Variants in ELK4 observed in about 807,000 individuals in gnomAD.
ELK4 encodes ETS transcription factor ELK4.
A neutral mutation model predicts 29.6 loss-of-function variants in ELK4; 16 were observed. The observed-to-expected ratio is 0.54, with a 90% CI of 0.37 to 0.82. The LOEUF is 0.82. Among genes scored for constraint, ELK4 ranks in the 40% least tolerant of loss-of-function variants. ELK4 has a pLI of 0.00. For synonymous variants in ELK4, 213 were observed against 191.1 expected (o/e 1.11, Z -0.95); for missense variants, 465 against 507.1 (o/e 0.92, Z 0.80).
At position 205,620,228 on chromosome 1, in the gene ELK4, C is replaced by T; in HGVS notation, c.818G>A (p.Ser273Asn). The change falls in exon 3 of 5, where the codon AGT becomes AAT. Residue 273 changes from serine (S) to asparagine (N), a missense_variant. Physicochemically the swap from Ser to Asn is conservative, Grantham distance 46. Around this residue, in one of 2 missense-constraint regions of ELK4, gnomAD observed 385 missense variants for 387.5 expected, o/e 0.99. Coordinates refer to ENST00000357992, the MANE Select transcript of ELK4 (RefSeq NM_001973.4). ...GTCTGTGTCGATGTCTGGGTGAGAA[C>T]TCAGTGGTGGTGAAGGTGTTCTGGG... is the stretch of plus-strand genomic sequence containing the variant. ...EPPRTPSPPL[S>N]SHPDIDTDID... 2 of 1,614,190 alleles carry T rather than the reference C, an allele frequency of 1.2e-6. No homozygotes were observed. The highest frequency in any genetic ancestry group is 1.7e-6 in the Non-Finnish European group (2 of 1,180,042).
In ELK4 at chr1:205,612,959, T is replaced by C; in HGVS notation, c.*3587A>G. 4.8e-6 allele frequency: 1 copy of C among 206,440 alleles called. No individual in the cohort carries two copies. Among genetic ancestry groups the C allele is most frequent in the East Asian group, 7.3e-5 (1 of 13,616 alleles). 12.8% of individuals were successfully genotyped at this position (206,440 alleles called of 1,614,324 possible). A position where few individuals can be genotyped will look rare whatever the true frequency, so the allele number is the denominator to read the frequency against. On this transcript the variant is annotated 3_prime_UTR_variant, in exon 5 of 5. Transcript: ENST00000357992. ...TCAACTGTCAAAATGTGGGAAAAAA[T>C]TAAACTCATATTTTAACTCTAAGAA...
At chr1:205,627,868 C>G (rs1259640691) in intron 1 of ELK4, among the ~76,000 whole-genome samples, 1 of 152,164 alleles carries the variant, frequency 6.6e-6, no homozygotes, top group African/African-American at 2.4e-5. Flanking sequence ...TGTACAGAGA[C>G]AGTCACCTAA....
chr1:205,610,341 A>C lies in ELK4; in HGVS notation c.*6205T>G, dbSNP rs1670133643. ...GTTTTGGCTAATACTAATGACATAC[A>C]GTTTAAAAGGATAAATTAGGCCACA... On this transcript the variant is annotated 3_prime_UTR_variant, in exon 5 of 5. Transcript: ENST00000357992. 1 of 231,412 alleles carries C rather than the reference A, an allele frequency of 4.3e-6. No individual in the cohort carries two copies. The highest frequency in any genetic ancestry group is 1.8e-4 in the South Asian group (1 of 5,522). The allele number at this position is 231,412 out of a possible 1,614,324, so 14.3% of individuals were successfully genotyped here. A position where few individuals can be genotyped will look rare whatever the true frequency, so the allele number is the denominator to read the frequency against.
rs1052161570 is a variant in ELK4, at chr1:205,631,891, C to A, written c.-269G>T. On this transcript the variant is annotated 5_prime_UTR_variant, in exon 1 of 5. Coordinates refer to ENST00000357992, the MANE Select transcript of ELK4 (RefSeq NM_001973.4). ...GCAGCGGCGGCGCGGGTCTTGGGGC[C>A]GCTACACGCCGGGCGCGCGCGTTCG... The A allele has an allele frequency of 3.3e-5, 5 of 149,394 alleles. No individual in the cohort carries two copies. Among genetic ancestry groups the A allele is most frequent in the Non-Finnish European group, 7.4e-5 (5 of 67,130 alleles). The allele number at this position is 149,394 out of a possible 1,614,324, so 9.3% of individuals were successfully genotyped here.
At chr1:205,619,680 G>A in intron 3 of ELK4, 1 of 1,403,116 alleles carries the variant, frequency 7.1e-7, no homozygotes, top group Non-Finnish European at 9.2e-7. Flanking sequence ...ATAAGACCGA[G>A]AGAGAGCGAG....
rs1458861763 is a variant in ELK4 at position 205,615,064 on chromosome 1, T to C, written c.*1482A>G. 1.0e-5 allele frequency: 2 copies of C among 191,676 alleles called. No homozygotes were observed. The highest frequency in any genetic ancestry group is 2.2e-5 in the Non-Finnish European group (2 of 91,846). 11.9% of individuals were successfully genotyped at this position (191,676 alleles called of 1,614,324 possible). On this transcript the variant is annotated 3_prime_UTR_variant, in exon 5 of 5. Transcript: ENST00000357992. ...ACTAATATGAACAATCCAATCCCTATGTATAAGCATTCCCAAATGAACTCT... is the reference window on the plus strand; with the variant it reads ...ACTAATATGAACAATCCAATCCCTACGTATAAGCATTCCCAAATGAACTCT...
In ELK4 at chr1:205,608,025, T is replaced by A. The variant is rs531396693; in HGVS notation, c.*8521A>T. ...ACATATATCTATTAACATATATGTA[T>A]ACTTTTAGACTTGTAGTAAATTTGC... On this transcript the variant is annotated 3_prime_UTR_variant, in exon 5 of 5. Transcript: ENST00000357992. 1.1e-5 allele frequency: 2 copies of A among 179,934 alleles called. No individual in the cohort carries two copies. The highest frequency in any genetic ancestry group is 1.8e-4 in the East Asian group (2 of 10,900). 11.1% of individuals were successfully genotyped at this position (179,934 alleles called of 1,614,324 possible). A position where few individuals can be genotyped will look rare whatever the true frequency, so the allele number is the denominator to read the frequency against.
At position 205,620,962 on chromosome 1, in the gene ELK4, C is replaced by T. The variant is rs111869311; in HGVS notation, c.208-124G>A. On this transcript the variant is annotated intron_variant, in intron 2 of 4. Coordinates refer to ENST00000357992, the MANE Select transcript of ELK4 (RefSeq NM_001973.4). ...CTGTAATCCCAGCACTTTGGAAGGC[C>T]GAGGAGGGCGGATCACGAGGTCAGG... 2.7e-4 allele frequency: 295 copies of T among 1,084,242 alleles called. 2 individuals carry two copies. In the African/African-American group the frequency reaches 3.8e-3, roughly 14 times the overall value. The allele number at this position is 1,084,242 out of a possible 1,614,324, so 67.2% of individuals were successfully genotyped here. A position where few individuals can be genotyped will look rare whatever the true frequency, so the allele number is the denominator to read the frequency against.
At position 205,619,037 on chromosome 1, in the gene ELK4, T is replaced by G. The variant is rs1414314380; in HGVS notation, c.1117A>C (p.Ser373Arg). 6.2e-7 allele frequency: 1 copy of G among 1,608,582 alleles called. No individual in the cohort carries two copies. Residue 373 changes from serine to arginine, a missense_variant, in exon 4 of 5, where the codon AGT becomes CGT. Ser to Arg is a moderately radical substitution (Grantham distance 110). Transcript: ENST00000357992. ...CTGAGAGTACTCCAGAAGTGGATACTGGAGAGCAAGGGGCTTGGAGTCAGT... is the reference window on the plus strand; with the variant it reads ...CTGAGAGTACTCCAGAAGTGGATACGGGAGAGCAAGGGGCTTGGAGTCAGT... ...IILTPSPLLS[S>R]IHFWSTLSPV...
At chr1:205,623,949 T>C (rs1457636225) in intron 1 of ELK4, 58 bp from the exon 2 acceptor site, 9 of 1,473,298 alleles carry the variant, frequency 6.1e-6, no homozygotes, top group Non-Finnish European at 8.5e-6. Context: ...TATTTAACAC[T>C]GTATGTCATG....
intron 1 of ELK4, among the ~76,000 whole-genome samples, chr1:205,629,766 C>T (rs1201672882): frequency 1.3e-5 from 2 of 151,006 alleles, no homozygotes. Flanking sequence ...TCCCCTAAGA[C>T]AGTTATTAAA....
chr1:205,630,588 T>C (rs1397687364), intron 1 of ELK4, among the ~76,000 whole-genome samples: 1 of 152,224 alleles, frequency 6.6e-6, no homozygotes, highest in Non-Finnish European at 1.5e-5. Context: ...AACATGACGT[T>C]TTTAACTACA....
In ELK4 at chr1:205,608,917, G is replaced by A. The variant is rs1410730497; in HGVS notation, c.*7629C>T. ...TATCTCTCCTGTGTTAACACTGATG[G>A]AGACGCACTGCAATAGTCCCATGGC... is the stretch of plus-strand genomic sequence containing the variant. On this transcript the variant is annotated 3_prime_UTR_variant, in exon 5 of 5. Coordinates refer to ENST00000357992, the MANE Select transcript of ELK4 (RefSeq NM_001973.4). The A allele has an allele frequency of 5.2e-6, 1 of 192,754 alleles. No individual in the cohort carries two copies. The highest frequency in any genetic ancestry group is 2.3e-5 in the African/African-American group (1 of 43,018). The allele number at this position is 192,754 out of a possible 1,614,324, so 11.9% of individuals were successfully genotyped here.
chr1:205,628,597 A>G (rs566778086), intron 1 of ELK4, among the ~76,000 whole-genome samples: 1 of 152,324 alleles, frequency 6.6e-6, no homozygotes, highest in Non-Finnish European at 1.5e-5. Context: ...TTTCAGCCCT[A>G]CAAGTTTAAA....
chr1:205,619,385 C>A (rs1336213509), intron 3 of ELK4: 1 of 1,062,054 alleles, frequency 9.4e-7, no homozygotes. Flanking sequence ...TCTTTTTAAG[C>A]CAACATTTAT....
rs1202614779 is a variant in ELK4, at chr1:205,615,441, ACTGGGGAGG to A, written c.*1096_*1104del. ...GGAAATAAGCACATCTTCGCTCCTGACTGGGGAGGCTTCACTTTGAATTCTACCTTCCTA... is the reference window on the plus strand; with the variant it reads ...GGAAATAAGCACATCTTCGCTCCTGACTTCACTTTGAATTCTACCTTCCTA... On this transcript the variant is annotated 3_prime_UTR_variant, in exon 5 of 5. Transcript: ENST00000357992. 5.8e-6 allele frequency: 1 copy of A among 172,004 alleles called. No homozygotes were observed. Among genetic ancestry groups the A allele is most frequent in the East Asian group, 1.0e-4 (1 of 9,728 alleles). The allele number at this position is 172,004 out of a possible 1,614,324, so 10.7% of individuals were successfully genotyped here.
At chr1:205,631,221 G>T (rs988228186) in intron 1 of ELK4, among the ~76,000 whole-genome samples, 2 of 152,220 alleles carry the variant, frequency 1.3e-5, no homozygotes, top group Non-Finnish European at 2.9e-5. Flanking sequence ...AAACGCGGAC[G>T]GCCGCGTGTG....
intron 2 of ELK4, 30 bp from the exon 3 acceptor site, chr1:205,620,868 C>G (rs767722840): frequency 1.3e-6 from 2 of 1,566,962 alleles, no homozygotes; most frequent in Non-Finnish European, 1.7e-6. Flanking sequence ...GCATTTTTAT[C>G]CTTTCTTATA....
chr1:205,620,014 C>CA lies in ELK4; in HGVS notation c.1031dup (p.Ser345GlufsTer51). The CA allele has an allele frequency of 6.2e-7, 1 of 1,614,206 alleles. No individual in the cohort carries two copies. The highest frequency in any genetic ancestry group is 8.5e-7 in the Non-Finnish European group (1 of 1,180,034). On this transcript the variant is annotated frameshift_variant, in exon 3 of 5. Coordinates refer to ENST00000357992, the MANE Select transcript of ELK4 (RefSeq NM_001973.4). LOFTEE classifies it high-confidence loss of function. Reference sequence around the variant, plus strand: ...GAGAAGCTGTAGGGAGAGATGGGCTCAGTATTCCCAGTGGGCTTGGATCAC... The same window carrying CA: ...GAGAAGCTGTAGGGAGAGATGGGCTCAAGTATTCCCAGTGGGCTTGGATCAC...
Sources: gnomAD v4.1 joint callset for allele counts (sites outside exome capture counted in the v4.1 genomes callset) on GRCh38, gnomAD v4.1.1 for gene constraint, gnomAD v4.1.1 regional missense constraint, MANE v1.5 for transcripts, NCBI Gene and HGNC (gene_info 2026-07-23, HGNC 2026-07-21) for gene names.